Variants in MICAL2 observed in about 807,000 individuals in gnomAD.
MICAL2 encodes [F-actin]-monooxygenase MICAL2.
In MICAL2, 77 loss-of-function variants were observed where a neutral mutation model predicts 127.3. That is an observed-to-expected ratio of 0.60 (90% CI 0.50 to 0.73). The LOEUF (loss-of-function observed/expected upper bound fraction) is 0.73. Among genes scored for constraint, MICAL2 ranks in the 30% least tolerant of loss-of-function variants. MICAL2 has a pLI of 0.00. For missense variants in MICAL2, 1,351 were observed against 1,434.4 expected (o/e 0.94, Z 0.94); for synonymous variants, 570 against 551.1 (o/e 1.03, Z -0.48).
At chr11:12,313,003 A>G (rs1036023889) in intron 29 of MICAL2, among the ~76,000 whole-genome samples, 1 of 151,498 alleles carries the variant, frequency 6.6e-6, no homozygotes. Flanking sequence ...CGTCTCTACT[A>G]AAAAAAATAC....
chr11:12,342,672 A>G (rs1370997031), intron 32 of MICAL2, among the ~76,000 whole-genome samples: 1 of 152,252 alleles, frequency 6.6e-6, no homozygotes, highest in Non-Finnish European at 1.5e-5. Context: ...CACAATGCTA[A>G]GCATTTGACA....
chr11:12,241,905 GC>G (rs11288452), intron 18 of MICAL2, among the ~76,000 whole-genome samples: 62,579 of 151,742 alleles, frequency 0.41, 13,423 homozygotes, highest in Middle Eastern at 0.64. Flanking sequence ...CTGGGGGTTG[GC>G]CCCAGGCTTG....
chr11:12,206,341 C>T (rs897238106), intron 4 of MICAL2, among the ~76,000 whole-genome samples: 2 of 152,134 alleles, frequency 1.3e-5, no homozygotes, highest in Non-Finnish European at 2.9e-5. Context: ...AATCCTGCAG[C>T]GTGCCGTAAT....
chr11:12,335,242 A>G (rs2134869466), intron 32 of MICAL2, among the ~76,000 whole-genome samples: 1 of 152,108 alleles, frequency 6.6e-6, no homozygotes, highest in South Asian at 2.1e-4. Flanking sequence ...TTGGCTGCAT[A>G]AATGTCTTCT....
At chr11:12,260,558 C>A in intron 26 of MICAL2, 1 of 1,001,778 alleles carries the variant, frequency 1.0e-6, no homozygotes. Context: ...AAAGCCACTG[C>A]CTGCAAAGTG....
intron 21 of MICAL2, among the ~76,000 whole-genome samples, chr11:12,245,036 TA>T (rs1860534919): frequency 6.6e-6 from 1 of 152,136 alleles, no homozygotes; most frequent in African/African-American, 2.4e-5. Context: ...AGACTGGGTT[TA>T]GGGGTGCTTT....
intron 4 of MICAL2, among the ~76,000 whole-genome samples, chr11:12,205,841 C>T (rs1253413273): frequency 6.6e-6 from 1 of 152,164 alleles, no homozygotes; most frequent in Non-Finnish European, 1.5e-5. Flanking sequence ...GCCATCGTCC[C>T]CAGACTTCAG....
chr11:12,226,806 C>G (rs2706642), intron 14 of MICAL2, among the ~76,000 whole-genome samples: 44,053 of 151,608 alleles, frequency 0.29, 6,741 homozygotes, highest in African/African-American at 0.33. Context: ...GTGCCTACCA[C>G]CACGTCTGGC....
At chr11:12,163,605 G>A (rs562995638) in intron 3 of MICAL2, 3 of 152,380 alleles carry the variant, frequency 2.0e-5, no homozygotes, top group East Asian at 3.9e-4. Context: ...CAGACCAGTC[G>A]CCTCAGCCCA....
In MICAL2 at chr11:12,241,131, C is replaced by T. The variant is rs756589884; in HGVS notation, c.2306C>T (p.Thr769Ile). ...HSCCPKPEEA[T>I]PSPSPPLKRQ... The stretch of plus-strand genomic sequence containing the variant: ...TGCTGCCCCAAGCCGGAGGAGGCCA[C>T]ACCCAGCCCATCACCTCCTCTGAAA... Residue 769 changes from threonine (T) to isoleucine (I), a missense_variant, in exon 18 of 28, where the codon ACA becomes ATA. Physicochemically the swap from Thr to Ile is moderately conservative, Grantham distance 89 (BLOSUM62 -1). Transcript: ENST00000683283. 94 of 1,614,024 alleles carry T rather than the reference C, an allele frequency of 5.8e-5. No homozygotes were observed. The highest frequency in any genetic ancestry group is 7.5e-5 in the Non-Finnish European group (88 of 1,180,018).
In MICAL2 at chr11:12,259,009, T is replaced by C. The variant is rs180896694; in HGVS notation, c.3231+453T>C. On this transcript the variant is annotated intron_variant, in intron 25 of 27. Transcript: ENST00000683283. ...ACCAGCCCACTGAATTCATAGATGG[T>C]TTGTGGAAGCATCTCTTCTGGCATC... is the stretch of plus-strand genomic sequence containing the variant. 1.4e-4 allele frequency among the ~76,000 whole-genome samples: 22 copies of C among 152,340 alleles called. No individual in the cohort carries two copies. The East Asian group carries it at 4.2e-3, about 29-fold the overall frequency.
chr11:12,253,214 T>G (rs1310026373), intron 22 of MICAL2: 1 of 152,134 alleles, frequency 6.6e-6, no homozygotes. Flanking sequence ...TTGGTGGGGG[T>G]CCAGGCATTT....
intron 8 of MICAL2, among the ~76,000 whole-genome samples, chr11:12,217,325 A>G (rs1178817188): frequency 6.6e-6 from 1 of 152,198 alleles, no homozygotes; most frequent in Non-Finnish European, 1.5e-5. Flanking sequence ...GGGTGGCATT[A>G]GTAACCCAGC....
intron 4 of MICAL2, among the ~76,000 whole-genome samples, chr11:12,205,320 T>C (rs940650994): frequency 6.6e-6 from 1 of 152,162 alleles, no homozygotes; most frequent in African/African-American, 2.4e-5. Flanking sequence ...TTATATGCAG[T>C]TGACGCTTGA....
At chr11:12,350,370 G>A (rs1939025160) in intron 33 of MICAL2, among the ~76,000 whole-genome samples, 1 of 152,200 alleles carries the variant, frequency 6.6e-6, no homozygotes, top group Non-Finnish European at 1.5e-5. Context: ...AGTTCTGTCT[G>A]GCTGTCCTCT....
At chr11:12,346,545 T>C (rs1938957188) in intron 32 of MICAL2, among the ~76,000 whole-genome samples, 1 of 152,224 alleles carries the variant, frequency 6.6e-6, no homozygotes, top group Non-Finnish European at 1.5e-5. Flanking sequence ...TGTCCGTGAA[T>C]GCCTTGTTCT....
At chr11:12,139,548 G>A (rs908995082) in intron 2 of MICAL2, among the ~76,000 whole-genome samples, 1 of 152,178 alleles carries the variant, frequency 6.6e-6, no homozygotes, top group African/African-American at 2.4e-5. Context: ...CTGGCCTGGT[G>A]GGCGCTGAGG....
intron 3 of MICAL2, among the ~76,000 whole-genome samples, chr11:12,203,513 G>A (rs529561046): frequency 2.6e-5 from 4 of 152,288 alleles, no homozygotes; most frequent in Admixed American, 6.5e-5. Context: ...AAGGCAAATG[G>A]GGTTGAGCAT....
At chr11:12,291,484 C>G (rs1863900541), downstream of MICAL2, among the ~76,000 whole-genome samples, 1 of 152,146 alleles carries the variant, frequency 6.6e-6, no homozygotes, top group South Asian at 2.1e-4. Flanking sequence ...GGGCCCTGCC[C>G]CACTCCTTTC....
Sources: allele counts gnomAD v4.1 joint callset (sites outside exome capture counted in the v4.1 genomes callset), GRCh38; gene constraint gnomAD v4.1.1; transcripts MANE v1.5; gene names NCBI Gene and HGNC (gene_info 2026-07-23, HGNC 2026-07-21).